The following AKR1C3 variants were observed in gnomAD, a reference collection of about 807,000 sequenced individuals.
AKR1C3 encodes the protein 3-alpha hydroxysteroid dehydrogenase, type II.
Under a neutral mutation model 43.6 loss-of-function variants are expected in AKR1C3, and 48 were observed. The observed-to-expected ratio is 1.10, with a 90% CI of 0.87 to 1.40. AKR1C3 has a LOEUF of 1.40. AKR1C3 is among the 40% of genes most tolerant of loss of function. The pLI, the probability that AKR1C3 is intolerant of heterozygous loss-of-function variation, is 0.00. For synonymous variants in AKR1C3, 162 were observed against 139.6 expected (o/e 1.16, Z -1.13); for missense variants, 482 against 391.2 (o/e 1.23, Z -1.96).
At chr10:5,079,130 G>T (rs1838776994) in intron 1 of AKR1C3, among the ~76,000 whole-genome samples, 1 of 152,242 alleles carries the variant, frequency 6.6e-6, no homozygotes, top group East Asian at 1.9e-4. Context: ...TTGGAAATAG[G>T]CACATAAAAT....
intron 1 of AKR1C3, among the ~76,000 whole-genome samples, chr10:5,095,407 AC>A (rs1203310476): frequency 2.0e-5 from 3 of 152,022 alleles, no homozygotes; most frequent in Admixed American, 6.6e-5. Flanking sequence ...AATGAAAATA[AC>A]GACACAACTG....
intron 1 of AKR1C3, among the ~76,000 whole-genome samples, chr10:5,074,444 A>G (rs1311993659): frequency 6.6e-6 from 1 of 152,240 alleles, no homozygotes; most frequent in South Asian, 2.1e-4. Flanking sequence ...TTGCACCTGT[A>G]GAGAAACTCT....
chr10:5,096,020 T>C (rs1422958081), intron 1 of AKR1C3: 2 of 155,354 alleles, frequency 1.3e-5, no homozygotes, highest in East Asian at 1.9e-4. Context: ...GTGAGCATTC[T>C]GTGTAATATC....
intron 2 of AKR1C3, among the ~76,000 whole-genome samples, chr10:5,097,227 G>C (rs1282968808): frequency 2.0e-5 from 3 of 152,044 alleles, no homozygotes; most frequent in Non-Finnish European, 4.4e-5. Context: ...CTATCATTCA[G>C]TAGATGTACA....
At chr10:5,093,437 G>C (rs1342101028), upstream of AKR1C3, 1 of 152,040 alleles carries the variant, frequency 6.6e-6, no homozygotes, top group Non-Finnish European at 1.5e-5. Context: ...GGCATTGCAA[G>C]TTCTGACAAC....
At chr10:5,056,617 C>A (rs1015276942) in intron 1 of AKR1C3, among the ~76,000 whole-genome samples, 3 of 152,144 alleles carry the variant, frequency 2.0e-5, no homozygotes, top group Non-Finnish European at 4.4e-5. Flanking sequence ...GATCCTTTAA[C>A]CTGATTTGGA....
intron 1 of AKR1C3, among the ~76,000 whole-genome samples, chr10:5,061,355 G>T (rs1247384974): frequency 1.3e-5 from 2 of 152,206 alleles, no homozygotes; most frequent in African/African-American, 4.8e-5. Context: ...GAGTCTGGAG[G>T]ATGAGGGCTA....
chr10:5,077,895 A>G, intron 1 of AKR1C3: 2 of 617,106 alleles, frequency 3.2e-6, no homozygotes, highest in Non-Finnish European at 5.7e-6. Context: ...TCTTTGAATC[A>G]TCAGAATCAT....
chr10:5,094,679 C>T (rs1235358965), intron 1 of AKR1C3, 151 bp downstream of exon 1: 21 of 775,108 alleles, frequency 2.7e-5, no homozygotes, highest in Non-Finnish European at 4.0e-5. Context: ...AGTAGGCAAT[C>T]CTTGTTCTGC....
chr10:5,097,860 GAC>G (rs1839246958), intron 3 of AKR1C3: 10 of 1,145,146 alleles, frequency 8.7e-6, no homozygotes, highest in Non-Finnish European at 9.7e-6. Context: ...GATGTTCCCA[GAC>G]ACAGAGTTTC....
chr10:5,073,260 C>T (rs532388243), intron 1 of AKR1C3, among the ~76,000 whole-genome samples: 22 of 152,112 alleles, frequency 1.4e-4, no homozygotes, highest in Non-Finnish European at 2.6e-4. Context: ...CTGCACCCAG[C>T]CCTAATGCTT....
rs1329823328 is a variant in AKR1C3, at chr10:5,105,747, T to C, written c.929+70T>C. The stretch of plus-strand genomic sequence containing the variant: ...AGGAATGTAGGATGGGTGTTGAGAG[T>C]GACCTCCATACCAGAGGGACAGAGG... On this transcript the variant is annotated intron_variant, in intron 8 of 8. Transcript: ENST00000380554. 9 of 1,224,000 alleles carry C rather than the reference T, an allele frequency of 7.4e-6. No individual in the cohort carries two copies. The African/African-American group carries it at 1.3e-4, about 18-fold the overall frequency. 75.8% of individuals were successfully genotyped at this position (1,224,000 alleles called of 1,614,324 possible).
intron 1 of AKR1C3, among the ~76,000 whole-genome samples, chr10:5,071,699 T>C (rs1431040579): frequency 6.6e-6 from 1 of 152,210 alleles, no homozygotes; most frequent in Non-Finnish European, 1.5e-5. Flanking sequence ...AAGAATTCAG[T>C]ATTTGTTCCA....
chr10:5,070,016 A>G (rs1554781186), intron 1 of AKR1C3, among the ~76,000 whole-genome samples: 1 of 152,216 alleles, frequency 6.6e-6, no homozygotes, highest in African/African-American at 2.4e-5. Context: ...GCAGTTGTTG[A>G]GAGGCTGAAA....
In AKR1C3 at chr10:5,057,760, T is replaced by A. The variant is rs1838292721; in HGVS notation, c.84+8865T>A. ...ATGGCTTGCTGACTGGTAGGGAATT[T>A]GTCCCTTTCTTCGGCTGTCATGCTA... is the stretch of plus-strand genomic sequence containing the variant. On this transcript the variant is annotated intron_variant, in intron 1 of 8. Transcript: ENST00000439082. 2.0e-5 allele frequency among the ~76,000 whole-genome samples: 3 copies of A among 152,228 alleles called. No individual in the cohort carries two copies. In the South Asian group the frequency reaches 6.2e-4, roughly 31 times the overall value.
At chr10:5,053,230 G>A (rs1554779173) in intron 1 of AKR1C3, among the ~76,000 whole-genome samples, 1 of 152,244 alleles carries the variant, frequency 6.6e-6, no homozygotes, top group African/African-American at 2.4e-5. Flanking sequence ...AGCCACACAG[G>A]AGCCCACGGA....
chr10:5,058,887 A>G (rs1236658378), intron 1 of AKR1C3, among the ~76,000 whole-genome samples: 16 of 152,012 alleles, frequency 1.1e-4, no homozygotes, highest in Non-Finnish European at 1.8e-4. Context: ...ATTCTCAAAA[A>G]CCCGTTAGAG....
rs587716348 is a variant in AKR1C3, at chr10:5,106,984, A to T, written c.930-477A>T. 2.0e-5 allele frequency among the ~76,000 whole-genome samples: 3 copies of T among 152,200 alleles called. No individual in the cohort carries two copies. The South Asian group carries it at 6.2e-4, about 32-fold the overall frequency. ...ATGAGTAATTCTTATCATCCATTAA[A>T]AATGTAATAAGTTGGTGTTTATCTG... is the stretch of plus-strand genomic sequence containing the variant. On this transcript the variant is annotated intron_variant, in intron 8 of 8. Transcript: ENST00000380554.
chr10:5,084,807 G>T (rs1838924480), intron 1 of AKR1C3, among the ~76,000 whole-genome samples: 1 of 152,202 alleles, frequency 6.6e-6, no homozygotes, highest in South Asian at 2.1e-4. Flanking sequence ...CTTGTAAGTT[G>T]GATTCCTAGG....
Sources: gnomAD v4.1 joint callset for allele counts (sites outside exome capture counted in the v4.1 genomes callset) on GRCh38, gnomAD v4.1.1 for gene constraint, MANE v1.5 for transcripts, NCBI Gene and HGNC (gene_info 2026-07-23, HGNC 2026-07-21) for gene names.